DPP10: variants seen among roughly 807,000 people sequenced by gnomAD.
The protein encoded by DPP10 is dipeptidyl peptidase like 10, also known as inactive dipeptidyl peptidase 10.
A neutral mutation model predicts 120.9 loss-of-function variants in DPP10; 33 were observed. That is an observed-to-expected ratio of 0.27 (90% CI 0.21 to 0.37). The LOEUF is 0.37. DPP10 is among the 10% of genes least tolerant of loss of function. DPP10 has a pLI of 1.00. For missense variants in DPP10, 816 were observed against 942.8 expected (o/e 0.87, Z 1.76); for synonymous variants, 337 against 326.1 (o/e 1.03, Z -0.36).
At chr2:115,478,777 A>G (rs1170362597) in intron 3 of DPP10, among the ~76,000 whole-genome samples, 2 of 152,200 alleles carry the variant, frequency 1.3e-5, no homozygotes, top group East Asian at 1.9e-4. Flanking sequence ...AGATATGCAA[A>G]TATCCAATAA....
chr2:114,842,889 C>T (rs780101873), intron 1 of DPP10, among the ~76,000 whole-genome samples: 3 of 151,998 alleles, frequency 2.0e-5, no homozygotes, highest in African/African-American at 4.8e-5. Context: ...CTGAGGTACA[C>T]AGCACATTCA....
At chr2:114,628,555 T>A (rs1694679731) in intron 1 of DPP10, among the ~76,000 whole-genome samples, 1 of 152,170 alleles carries the variant, frequency 6.6e-6, no homozygotes, top group Non-Finnish European at 1.5e-5. Context: ...TTTTCATTCA[T>A]GGGTCTTTTG....
chr2:115,507,665 T>A (rs2077018195), intron 4 of DPP10, among the ~76,000 whole-genome samples: 1 of 152,102 alleles, frequency 6.6e-6, no homozygotes, highest in Non-Finnish European at 1.5e-5. Context: ...GGGGAAAGAT[T>A]TATACTGAGT....
At chr2:115,483,105 T>C (rs2075539592) in intron 3 of DPP10, among the ~76,000 whole-genome samples, 1 of 152,034 alleles carries the variant, frequency 6.6e-6, no homozygotes, top group South Asian at 2.1e-4. Flanking sequence ...GGATGAAATG[T>C]AGGTAGGGTG....
chr2:114,948,302 C>T (rs777372014), intron 1 of DPP10, among the ~76,000 whole-genome samples: 32 of 151,956 alleles, frequency 2.1e-4, no homozygotes, highest in Non-Finnish European at 3.1e-4. Context: ...TTTAGAAATT[C>T]TCATTTTTAC....
intron 1 of DPP10, among the ~76,000 whole-genome samples, chr2:115,056,713 C>A (rs78290663): frequency 0.12 from 17,527 of 152,174 alleles, 1,427 homozygotes; most frequent in Non-Finnish European, 0.17. Context: ...GCTACACATC[C>A]TCTCTCTCCA....
At chr2:115,445,705 G>T (rs183682338) in intron 3 of DPP10, among the ~76,000 whole-genome samples, 33 of 152,308 alleles carry the variant, frequency 2.2e-4, no homozygotes, top group Non-Finnish European at 4.0e-4. Flanking sequence ...AAAATTTGCA[G>T]CCTGACCATG....
chr2:115,300,616 T>C (rs12617785), intron 1 of DPP10, among the ~76,000 whole-genome samples: 7,102 of 152,148 alleles, frequency 0.047, 282 homozygotes, highest in East Asian at 0.2. Context: ...GGAATTACTA[T>C]TGATTATTAA....
At chr2:114,738,442 G>C (rs878963124) in intron 1 of DPP10, among the ~76,000 whole-genome samples, 2 of 152,148 alleles carry the variant, frequency 1.3e-5, no homozygotes, top group Admixed American at 1.3e-4. Context: ...TCAGCTGATT[G>C]CTTCAGTGAC....
intron 8 of DPP10, among the ~76,000 whole-genome samples, chr2:115,738,363 C>G (rs1186161733): frequency 6.6e-6 from 1 of 152,072 alleles, no homozygotes; most frequent in Non-Finnish European, 1.5e-5. Flanking sequence ...TGTGTACTAT[C>G]TGTGGGGTGT....
intron 3 of DPP10, among the ~76,000 whole-genome samples, chr2:115,345,007 T>C (rs191102772): frequency 6.6e-6 from 1 of 152,314 alleles, no homozygotes; most frequent in Admixed American, 6.5e-5. Flanking sequence ...GAATGTAATT[T>C]AACCCATGAG....
intron 1 of DPP10, among the ~76,000 whole-genome samples, chr2:114,524,052 T>G (rs1191065182): frequency 6.6e-6 from 1 of 152,236 alleles, no homozygotes; most frequent in Non-Finnish European, 1.5e-5. Context: ...GTGTGGCATT[T>G]TGCAAACTTA....
At chr2:115,774,757 A>G (rs1389279778) in intron 13 of DPP10, among the ~76,000 whole-genome samples, 1 of 152,192 alleles carries the variant, frequency 6.6e-6, no homozygotes, top group African/African-American at 2.4e-5. Flanking sequence ...ATACATACCA[A>G]TAAGACAGAA....
intron 1 of DPP10, among the ~76,000 whole-genome samples, chr2:114,510,381 GGATC>G (rs1284374754): frequency 1.3e-5 from 2 of 152,130 alleles, no homozygotes; most frequent in African/African-American, 4.8e-5. Flanking sequence ...CAAGGTGGGT[GGATC>G]ACGAGGTAAG....
intron 1 of DPP10, chr2:115,161,851 CGATT>C: frequency 8.6e-7 from 1 of 1,167,686 alleles, no homozygotes; most frequent in Non-Finnish European, 1.1e-6. Context: ...TCCCTTCCGC[CGATT>C]CCGGGAGCGA....
chr2:115,485,401 A>G (rs1050680869), intron 3 of DPP10, among the ~76,000 whole-genome samples: 1 of 152,124 alleles, frequency 6.6e-6, no homozygotes, highest in South Asian at 2.1e-4. Context: ...TAACCATCCT[A>G]TAACTATTTC....
intron 5 of DPP10, among the ~76,000 whole-genome samples, chr2:115,576,527 A>G (rs552670000): frequency 2.0e-5 from 3 of 152,324 alleles, no homozygotes; most frequent in East Asian, 3.9e-4. Flanking sequence ...TGAATATTTC[A>G]TGATATTGAA....
At chr2:115,114,720 A>G (rs576034952) in intron 1 of DPP10, among the ~76,000 whole-genome samples, 1 of 152,316 alleles carries the variant, frequency 6.6e-6, no homozygotes, top group South Asian at 2.1e-4. Flanking sequence ...AATTCAAAAT[A>G]TAAAATTTCT....
intron 19 of DPP10, 71 bp from the exon 20 acceptor site, chr2:115,814,722 A>C: frequency 7.9e-7 from 1 of 1,266,488 alleles, no homozygotes; most frequent in Non-Finnish European, 1.1e-6. Flanking sequence ...TTAACTTGTG[A>C]GTATGAAAGG....
Sources: gnomAD v4.1 joint callset for allele counts (sites outside exome capture counted in the v4.1 genomes callset) on GRCh38, gnomAD v4.1.1 for gene constraint, MANE v1.5 for transcripts, NCBI Gene and HGNC (gene_info 2026-07-23, HGNC 2026-07-21) for gene names.